The following LRRC69 variants were observed in gnomAD, a reference collection of about 807,000 sequenced individuals.
LRRC69 encodes the protein leucine rich repeat containing 69.
In LRRC69, 42 loss-of-function variants were observed where a neutral mutation model predicts 37.8. The ratio of observed to expected loss-of-function variants is 1.11; its 90% confidence interval spans 0.87 to 1.44. The LOEUF (loss-of-function observed/expected upper bound fraction) is 1.44. Among genes scored for constraint, LRRC69 ranks in the 40% most tolerant of loss-of-function variants. The pLI is 0.00. For missense variants in LRRC69, 357 were observed against 401.9 expected, an observed-to-expected ratio of 0.89 and a Z score of 0.96; for synonymous variants, 141 against 143.1, an observed-to-expected ratio of 0.99 and a Z score of 0.11.
chr8:91,158,803 T>A, intron 5 of LRRC69: 1 of 740,202 alleles, frequency 1.4e-6, no homozygotes, highest in African/African-American at 1.7e-5. Flanking sequence ...CAATGATTCA[T>A]AACAATGTAT....
At chr8:91,215,221 T>C (rs2130653219) in intron 7 of LRRC69, among the ~76,000 whole-genome samples, 1 of 152,218 alleles carries the variant, frequency 6.6e-6, no homozygotes, top group African/African-American at 2.4e-5. Context: ...TGGACATCTT[T>C]GGGGGGACAT....
At chr8:91,196,551 T>C (rs1809604848) in intron 6 of LRRC69, among the ~76,000 whole-genome samples, 1 of 152,208 alleles carries the variant, frequency 6.6e-6, no homozygotes. Flanking sequence ...TTTCTTTTTA[T>C]TCTTTTTTCT....
At chr8:91,161,407 G>C (rs1026197722) in intron 5 of LRRC69, among the ~76,000 whole-genome samples, 4 of 151,216 alleles carry the variant, frequency 2.6e-5, no homozygotes, top group African/African-American at 9.7e-5. Context: ...TAGCAGTGAA[G>C]TTATGCAGTC....
chr8:91,200,517 A>T (rs1809693406), intron 6 of LRRC69, 96 bp from the exon 7 acceptor site: 4 of 741,872 alleles, frequency 5.4e-6, no homozygotes, highest in African/African-American at 3.7e-5. Flanking sequence ...AATCTAGATA[A>T]TAAGCCATAC....
At chr8:91,177,263 A>C (rs1392997086) in intron 5 of LRRC69, among the ~76,000 whole-genome samples, 1 of 152,050 alleles carries the variant, frequency 6.6e-6, no homozygotes, top group East Asian at 1.9e-4. Flanking sequence ...AAAAAGGGTA[A>C]ATGTTATCAG....
intron 7 of LRRC69, among the ~76,000 whole-genome samples, chr8:91,217,041 A>G (rs1350597578): frequency 6.6e-6 from 1 of 152,032 alleles, no homozygotes; most frequent in Non-Finnish European, 1.5e-5. Flanking sequence ...TATGCAGCCT[A>G]TGGTGTCTCC....
At chr8:91,164,721 C>T (rs1250196748) in intron 5 of LRRC69, among the ~76,000 whole-genome samples, 1 of 151,522 alleles carries the variant, frequency 6.6e-6, no homozygotes, top group African/African-American at 2.4e-5. Flanking sequence ...TTCCATTTTA[C>T]AGATGATAAA....
chr8:91,167,098 A>C (rs1039032380), intron 5 of LRRC69, among the ~76,000 whole-genome samples: 3 of 151,910 alleles, frequency 2.0e-5, no homozygotes, highest in Non-Finnish European at 4.4e-5. Flanking sequence ...CTGAAAACTC[A>C]GTGAGTACTA....
intron 1 of LRRC69, among the ~76,000 whole-genome samples, chr8:91,109,886 C>T (rs1417540105): frequency 1.3e-5 from 2 of 151,960 alleles, no homozygotes; most frequent in East Asian, 3.9e-4. Context: ...AAATAAATTC[C>T]TTCAGGAAGA....
intron 1 of LRRC69, chr8:91,118,393 A>AGCCAGGCGTGGT (rs1813555891): frequency 3.3e-6 from 1 of 307,532 alleles, no homozygotes; most frequent in African/African-American, 2.9e-5. Flanking sequence ...AAAAAAAAAA[A>AGCCAGGCGTGGT]AGCCAGGCGT....
intron 7 of LRRC69, among the ~76,000 whole-genome samples, chr8:91,202,227 CAAAAACACA>C (rs1278997476): frequency 6.6e-6 from 1 of 151,102 alleles, no homozygotes; most frequent in African/African-American, 2.5e-5. Context: ...AAAACAAAAA[CAAAAACACA>C]ACAAACAAAC....
At chr8:91,159,123 T>G (rs934282027) in intron 5 of LRRC69, among the ~76,000 whole-genome samples, 1 of 151,210 alleles carries the variant, frequency 6.6e-6, no homozygotes, top group African/African-American at 2.4e-5. Flanking sequence ...TTTCAATCAT[T>G]GCCTTCCCAT....
intron 5 of LRRC69, among the ~76,000 whole-genome samples, chr8:91,170,789 A>G (rs1586263109): frequency 9.0e-6 from 1 of 111,234 alleles, no homozygotes; most frequent in African/African-American, 3.6e-5. Flanking sequence ...ACCTAAAACC[A>G]TAAAAACCCT....
intron 5 of LRRC69, among the ~76,000 whole-genome samples, chr8:91,165,464 G>C (rs1809011476): frequency 6.6e-6 from 1 of 151,716 alleles, no homozygotes; most frequent in Non-Finnish European, 1.5e-5. Context: ...TGTTACTGTA[G>C]TTGCTTGTTT....
chr8:91,212,834 T>C (rs1054689069), intron 7 of LRRC69, among the ~76,000 whole-genome samples: 18 of 152,202 alleles, frequency 1.2e-4, no homozygotes, highest in African/African-American at 4.3e-4. Flanking sequence ...TTAGAAATAT[T>C]AAAATGGATA....
At chr8:91,210,562 GACACACACACAC>G (rs35968986) in intron 7 of LRRC69, among the ~76,000 whole-genome samples, 17 of 146,188 alleles carry the variant, frequency 1.2e-4, no homozygotes, top group East Asian at 4.2e-4. Context: ...CACACACACA[GACACACACACAC>G]ACACACACAC....
intron 7 of LRRC69, chr8:91,209,675 A>G (rs1015569276): frequency 7.2e-5 from 11 of 152,180 alleles, no homozygotes; most frequent in African/African-American, 2.7e-4. Context: ...TCTGTCTTGT[A>G]CACCAATTCA....
chr8:91,134,701 T>C (rs948861115), intron 4 of LRRC69, among the ~76,000 whole-genome samples: 7 of 152,018 alleles, frequency 4.6e-5, no homozygotes, highest in African/African-American at 7.2e-5. Flanking sequence ...CTTCTTATAG[T>C]TCTATCCCAA....
At chr8:91,176,134 A>ATATATATATATTTTTTTTTTTTTTTTT in intron 5 of LRRC69, among the ~76,000 whole-genome samples, 2 of 75,708 alleles carry the variant, frequency 2.6e-5, no homozygotes, top group African/African-American at 1.2e-4. Context: ...ATATATATAT[A>ATATATATATATTTTTTTTTTTTTTTTT]TTTTTTTTTT....
Sources: gnomAD v4.1 joint callset for allele counts (sites outside exome capture counted in the v4.1 genomes callset) on GRCh38, gnomAD v4.1.1 for gene constraint, MANE v1.5 for transcripts, NCBI Gene and HGNC (gene_info 2026-07-23, HGNC 2026-07-21) for gene names.